The following IGSF10 variants were observed in gnomAD, a reference collection of about 807,000 sequenced individuals.
The protein encoded by IGSF10 is immunoglobulin superfamily member 10.
IGSF10 carries 126 observed loss-of-function variants against 128.2 expected under a neutral mutation model. The observed-to-expected ratio is 0.98, with a 90% confidence interval of 0.85 to 1.14. The LOEUF (loss-of-function observed/expected upper bound fraction) is 1.14. Ranked by LOEUF, IGSF10 falls within the 50% of genes most tolerant of loss-of-function variation. The probability of loss-of-function intolerance (pLI) is 0.00; values close to 1 mark genes in which losing one functional copy is unlikely to be tolerated. For missense variants in IGSF10, 3,295 were observed against 3,149.8 expected (o/e 1.05, Z -1.10); for synonymous variants, 1,185 against 1,146.2 (o/e 1.03, Z -0.68).
At chr3:151,584,431 T>C in the IGSF10 span, among the ~76,000 whole-genome samples, 1 of 152,240 alleles carries the variant, frequency 6.6e-6, no homozygotes, top group Non-Finnish European at 1.5e-5. Flanking sequence ...TTTAGGTTTA[T>C]GCTCACCATA....
At chr3:151,524,654 GAACAGAGAAGATAACTATT>G in the IGSF10 span, among the ~76,000 whole-genome samples, 3 of 152,094 alleles carry the variant, frequency 2.0e-5, no homozygotes, top group Non-Finnish European at 4.4e-5. Context: ...GGAGGGAGAG[GAACAGAGAAGATAACTATT>G]GGGTACTGGG....
the IGSF10 span, among the ~76,000 whole-genome samples, chr3:151,514,821 A>G: frequency 2.6e-5 from 4 of 152,232 alleles, no homozygotes; most frequent in Non-Finnish European, 4.4e-5. Context: ...ATGAACAGAC[A>G]CTTCTCAAAA....
Position 151,458,505 on chromosome 3 carries a change from G to T in IGSF10, c.194+11C>A. On this transcript the variant is annotated intron_variant, in intron 3 of 7. Transcript: ENST00000282466. ...CCTCTTTGAGAAGAGGAAACATGAG[G>T]TCTCACACACCCTAAATTGATGCGT... The T allele has an allele frequency of 5.0e-6, 8 of 1,600,122 alleles. No individual in the cohort carries two copies. The highest frequency in any genetic ancestry group is 6.8e-6 in the Non-Finnish European group (8 of 1,170,716).
At position 151,443,947 on chromosome 3, in the gene IGSF10, C is replaced by T. The variant is rs759801802; in HGVS notation, c.5063-63G>A. 5.5e-5 allele frequency: 75 copies of T among 1,359,578 alleles called. 1 individual carries two copies. The highest frequency in any genetic ancestry group is 7.5e-5 in the Non-Finnish European group (75 of 1,000,210). The allele number at this position is 1,359,578 out of a possible 1,614,324, so 84.2% of individuals were successfully genotyped here. ...CAAAGTTTATTTAGAAAACATAAAG[C>T]TATCGTTTTTTGGGCTACTAAGAAT... On this transcript the variant is annotated intron_variant, in intron 6 of 7. Coordinates refer to ENST00000282466, the MANE Select transcript of IGSF10 (RefSeq NM_178822.5).
the IGSF10 span, among the ~76,000 whole-genome samples, chr3:151,523,350 C>T: frequency 2.0e-5 from 3 of 152,000 alleles, no homozygotes; most frequent in Non-Finnish European, 4.4e-5. Context: ...AAAGAGCCCA[C>T]ATACAAAAGG....
the IGSF10 span, among the ~76,000 whole-genome samples, chr3:151,561,390 A>G: frequency 6.6e-6 from 1 of 152,124 alleles, no homozygotes; most frequent in African/African-American, 2.4e-5. Context: ...TTTAATCTCT[A>G]TTATGAAGAA....
the IGSF10 span, among the ~76,000 whole-genome samples, chr3:151,586,066 A>C: frequency 6.7e-6 from 1 of 149,212 alleles, no homozygotes; most frequent in Non-Finnish European, 1.5e-5. Context: ...TGCAATCTCC[A>C]CCTCCCGAGC....
chr3:151,508,437 G>C, the IGSF10 span, among the ~76,000 whole-genome samples: 2 of 151,984 alleles, frequency 1.3e-5, no homozygotes, highest in Admixed American at 6.6e-5. Flanking sequence ...TGAGTAAACC[G>C]CAAAAAGGAA....
chr3:151,447,536 G>T lies in IGSF10; in HGVS notation c.2445C>A (p.Asn815Lys). Residue 815 changes from asparagine to lysine, a missense_variant, in exon 6 of 8, where the codon AAC (asparagine) becomes AAA (lysine). Coordinates refer to ENST00000282466, the MANE Select transcript of IGSF10 (RefSeq NM_178822.5). The stretch of plus-strand genomic sequence containing the variant: ...CAGCAGTCACTGTCCTTGCTGGAAG[G>T]TTCAAAGCTTTAGTGGCCGGGACCA... ...EFMVPATKAL[N>K]LPARTVTADS... The T allele has an allele frequency of 2.5e-6, 4 of 1,614,176 alleles. No homozygotes were observed. The South Asian group carries it at 4.4e-5, about 18-fold the overall frequency.
the IGSF10 span, among the ~76,000 whole-genome samples, chr3:151,484,131 T>C: frequency 6.6e-6 from 1 of 152,294 alleles, no homozygotes; most frequent in Non-Finnish European, 1.5e-5. Context: ...ACATCTGCCA[T>C]TGCTGAGGCT....
chr3:151,605,662 A>G, the IGSF10 span, among the ~76,000 whole-genome samples: 1 of 152,218 alleles, frequency 6.6e-6, no homozygotes, highest in South Asian at 2.1e-4. Flanking sequence ...GAAAAACACT[A>G]AGGGTTAGAC....
At chr3:151,480,514 A>C in the IGSF10 span, among the ~76,000 whole-genome samples, 1 of 151,808 alleles carries the variant, frequency 6.6e-6, no homozygotes, top group Non-Finnish European at 1.5e-5. Context: ...TGCACTGACC[A>C]CCTCCCTATG....
chr3:151,509,683 C>T, the IGSF10 span, among the ~76,000 whole-genome samples: 1 of 152,232 alleles, frequency 6.6e-6, no homozygotes, highest in Non-Finnish European at 1.5e-5. Flanking sequence ...CGAGGCATCG[C>T]CTCACCCGGG....
the IGSF10 span, among the ~76,000 whole-genome samples, chr3:151,523,986 G>A: frequency 5.3e-5 from 8 of 152,054 alleles, no homozygotes; most frequent in East Asian, 5.8e-4. Flanking sequence ...CCATTAAAAC[G>A]TGGCAAAGGA....
chr3:151,485,172 C>A, the IGSF10 span, among the ~76,000 whole-genome samples: 1 of 151,660 alleles, frequency 6.6e-6, no homozygotes, highest in Non-Finnish European at 1.5e-5. Context: ...TATCAATAGC[C>A]AAATCGATCA....
chr3:151,543,222 G>A, the IGSF10 span, among the ~76,000 whole-genome samples: 1 of 152,174 alleles, frequency 6.6e-6, no homozygotes, highest in Non-Finnish European at 1.5e-5. Context: ...TCTGGGTCCA[G>A]CCTATGCTGC....
the IGSF10 span, among the ~76,000 whole-genome samples, chr3:151,508,634 A>C: frequency 6.6e-6 from 1 of 152,266 alleles, no homozygotes; most frequent in African/African-American, 2.4e-5. Flanking sequence ...CAAATATTTT[A>C]AATCTTTGAC....
At chr3:151,499,238 A>G in the IGSF10 span, among the ~76,000 whole-genome samples, 1 of 152,170 alleles carries the variant, frequency 6.6e-6, no homozygotes, top group Non-Finnish European at 1.5e-5. Context: ...TTTGACTAAA[A>G]AAGTCTTGCC....
At chr3:151,572,891 A>G in the IGSF10 span, among the ~76,000 whole-genome samples, 1 of 152,154 alleles carries the variant, frequency 6.6e-6, no homozygotes, top group Non-Finnish European at 1.5e-5. Context: ...ACTGCTTTAA[A>G]TGTGTCCCAG....
Sources: gnomAD v4.1 joint callset for allele counts (sites outside exome capture counted in the v4.1 genomes callset) on GRCh38, gnomAD v4.1.1 for gene constraint, MANE v1.5 for transcripts, NCBI Gene and HGNC (gene_info 2026-07-23, HGNC 2026-07-21) for gene names.